Variants in ARSG observed in about 807,000 individuals in gnomAD.
The protein encoded by ARSG is arylsulfatase G, also known as ASG.
In ARSG, 37 loss-of-function variants were observed where a neutral mutation model predicts 50.5. The ratio of observed to expected loss-of-function variants is 0.73; its 90% CI spans 0.56 to 0.96. The LOEUF (loss-of-function observed/expected upper bound fraction) is 0.96, where lower values mean the gene tolerates loss of function less well. Ranked by LOEUF, ARSG falls within the 50% of genes least tolerant of loss-of-function variation. ARSG has a pLI of 0.00. For missense variants in ARSG, 629 were observed against 675.3 expected (o/e 0.93, Z 0.76); for synonymous variants, 225 against 254.6 (o/e 0.88, Z 1.11).
At chr17:68,396,955 C>T (rs895553767) in intron 10 of ARSG, among the ~76,000 whole-genome samples, 3 of 152,148 alleles carry the variant, frequency 2.0e-5, no homozygotes, top group Non-Finnish European at 2.9e-5. Context: ...TTGTCACAGA[C>T]GTCATTGGAG....
chr17:68,338,002 C>T (rs550892639), intron 2 of ARSG, among the ~76,000 whole-genome samples: 2 of 152,180 alleles, frequency 1.3e-5, no homozygotes, highest in Admixed American at 1.3e-4. Context: ...GGCAGGTCTC[C>T]GAGGAAAACC....
At chr17:68,314,458 G>A (rs4968882) in intron 2 of ARSG, among the ~76,000 whole-genome samples, 93,523 of 150,662 alleles carry the variant, frequency 0.62, 31,380 homozygotes, top group Middle Eastern at 0.78. Flanking sequence ...CCCGGGAGGC[G>A]GAAGTTGCAG....
At chr17:68,387,496 T>C (rs891918310) in intron 9 of ARSG, among the ~76,000 whole-genome samples, 4 of 152,210 alleles carry the variant, frequency 2.6e-5, no homozygotes, top group Non-Finnish European at 4.4e-5. Flanking sequence ...TAGATTTACC[T>C]TCTTGCTGTT....
chr17:68,401,464 C>T lies in ARSG; in HGVS notation c.1303+14C>T. 1 of 1,611,716 alleles carries T rather than the reference C, an allele frequency of 6.2e-7. No individual in the cohort carries two copies. Among genetic ancestry groups the T allele is most frequent in the Non-Finnish European group, 8.5e-7 (1 of 1,178,096 alleles). On this transcript the variant is annotated intron_variant, in intron 11 of 11. Coordinates refer to ENST00000621439, the MANE Select transcript of ARSG (RefSeq NM_001267727.2). Reference sequence around the variant, plus strand: ...TCTACATTACCGGTGAGTGAGGGGCCACTTAGCCCTGCCTCCCACAGTCAC... The same window carrying T: ...TCTACATTACCGGTGAGTGAGGGGCTACTTAGCCCTGCCTCCCACAGTCAC...
intron 9 of ARSG, among the ~76,000 whole-genome samples, chr17:68,391,494 G>A (rs72841855): frequency 0.17 from 26,012 of 152,026 alleles, 4,463 homozygotes; most frequent in African/African-American, 0.42. Flanking sequence ...CTCTATAATT[G>A]GGATGCTAAA....
chr17:68,298,561 C>T (rs2076291033), intron 1 of ARSG, among the ~76,000 whole-genome samples: 1 of 145,626 alleles, frequency 6.9e-6, no homozygotes, highest in South Asian at 2.2e-4. Flanking sequence ...CTCTACTGCC[C>T]TCCAGCCTGG....
intron 10 of ARSG, chr17:68,400,705 GTCA>G (rs2081434850): frequency 6.6e-6 from 1 of 152,198 alleles, no homozygotes; most frequent in South Asian, 2.1e-4. Flanking sequence ...CTCTGCCGTG[GTCA>G]TCATGAAATT....
intron 9 of ARSG, among the ~76,000 whole-genome samples, chr17:68,386,112 GC>G (rs1201383717): frequency 6.6e-6 from 1 of 152,176 alleles, no homozygotes; most frequent in Admixed American, 6.5e-5. Flanking sequence ...CATCTCCATG[GC>G]AAAGAACTTG....
chr17:68,349,882 A>C (rs1353975763), intron 4 of ARSG, among the ~76,000 whole-genome samples: 2 of 152,232 alleles, frequency 1.3e-5, no homozygotes, highest in East Asian at 3.8e-4. Context: ...ACTCCGTCTC[A>C]AAAAGAAAAA....
chr17:68,283,547 G>A (rs1289904855), intron 1 of ARSG, among the ~76,000 whole-genome samples: 4 of 148,840 alleles, frequency 2.7e-5, no homozygotes, highest in East Asian at 2.0e-4. Flanking sequence ...GGCTGGGCAC[G>A]GCGGCTCACG....
downstream of ARSG, chr17:68,426,154 G>T: frequency 6.3e-7 from 1 of 1,591,984 alleles, no homozygotes; most frequent in Non-Finnish European, 8.6e-7. Flanking sequence ...TCCTCGCAGC[G>T]CCCCGCCGTC....
intron 4 of ARSG, among the ~76,000 whole-genome samples, chr17:68,350,358 T>C (rs1893942498): frequency 6.6e-6 from 1 of 152,224 alleles, no homozygotes; most frequent in South Asian, 2.1e-4. Flanking sequence ...AGCAATTCTT[T>C]GTGAGATTCG....
chr17:68,352,090 A>AGAGAGAGAGAGAGAGAGAGACAGAG, intron 5 of ARSG, among the ~76,000 whole-genome samples: 2 of 35,386 alleles, frequency 5.7e-5, no homozygotes, highest in African/African-American at 2.2e-4. Flanking sequence ...GAGACAGAGG[A>AGAGAGAGAGAGAGAGAGAGACAGAG]GAGAGAGAGA....
chr17:68,328,622 C>T (rs1599739372), intron 2 of ARSG, among the ~76,000 whole-genome samples: 2 of 152,184 alleles, frequency 1.3e-5, no homozygotes, highest in Admixed American at 1.3e-4. Context: ...CTAGCTCTGT[C>T]GTGGTTGGTT....
chr17:68,284,272 G>A (rs1473318518), intron 1 of ARSG, among the ~76,000 whole-genome samples: 4 of 151,890 alleles, frequency 2.6e-5, no homozygotes, highest in African/African-American at 7.3e-5. Flanking sequence ...GTGGTGGCAC[G>A]TGCCTGTAGT....
At chr17:68,388,290 G>A (rs1288082290) in intron 9 of ARSG, among the ~76,000 whole-genome samples, 2 of 152,134 alleles carry the variant, frequency 1.3e-5, no homozygotes, top group African/African-American at 2.4e-5. Context: ...ATCACTCTTC[G>A]TTTTGGAGGA....
chr17:68,316,814 C>T (rs1397782011), intron 2 of ARSG, among the ~76,000 whole-genome samples: 1 of 152,082 alleles, frequency 6.6e-6, no homozygotes, highest in East Asian at 1.9e-4. Flanking sequence ...GTCACAATTC[C>T]CTCCTCTGGC....
the ARSG span, among the ~76,000 whole-genome samples, chr17:68,433,074 A>G: frequency 1.3e-5 from 2 of 152,246 alleles, no homozygotes; most frequent in Non-Finnish European, 2.9e-5. Flanking sequence ...ATATTGTTAT[A>G]TTTACAGCTA....
chr17:68,380,250 C>A (rs562429653), intron 8 of ARSG, among the ~76,000 whole-genome samples: 1 of 147,866 alleles, frequency 6.8e-6, no homozygotes, highest in East Asian at 2.0e-4. Context: ...TCTTTCTTTA[C>A]TCTTTTTTTT....
Sources: allele counts gnomAD v4.1 joint callset (sites outside exome capture counted in the v4.1 genomes callset), GRCh38; gene constraint gnomAD v4.1.1; transcripts MANE v1.5; gene names NCBI Gene and HGNC (gene_info 2026-07-23, HGNC 2026-07-21).